EPHB1: variants seen among roughly 807,000 people sequenced by gnomAD.
EPHB1 encodes ephrin type-B receptor 1.
A neutral mutation model predicts 94.4 loss-of-function variants in EPHB1; 30 were observed. That is an observed-to-expected ratio of 0.32 (90% confidence interval 0.24 to 0.43). The LOEUF (loss-of-function observed/expected upper bound fraction) is 0.43. Ranked by LOEUF, EPHB1 falls within the 20% of genes least tolerant of loss-of-function variation. The probability of loss-of-function intolerance (pLI) is 1.00; values close to 1 mark genes in which losing one functional copy is unlikely to be tolerated. For synonymous variants in EPHB1, 522 were observed against 489.1 expected, an observed-to-expected ratio of 1.07 and a Z score of -0.89; for missense variants, 1,055 against 1,308.3, an observed-to-expected ratio of 0.81 and a Z score of 2.99.
intron 12 of EPHB1, among the ~76,000 whole-genome samples, chr3:135,213,686 G>A (rs1943080068): frequency 6.6e-6 from 1 of 152,206 alleles, no homozygotes; most frequent in Non-Finnish European, 1.5e-5. Flanking sequence ...TCTCTGGATA[G>A]CAGCTTTATG....
chr3:135,189,159 T>C (rs1466482047), intron 10 of EPHB1, among the ~76,000 whole-genome samples: 4 of 152,226 alleles, frequency 2.6e-5, no homozygotes, highest in South Asian at 2.1e-4. Context: ...ATTGATTTCT[T>C]CCTTCCTTCT....
At chr3:135,096,383 G>C (rs1054137338) in intron 3 of EPHB1, among the ~76,000 whole-genome samples, 9 of 152,172 alleles carry the variant, frequency 5.9e-5, no homozygotes, top group African/African-American at 2.2e-4. Flanking sequence ...CCTCAGACTA[G>C]AGCTATACCA....
chr3:134,978,841 A>C (rs528391409), intron 3 of EPHB1, among the ~76,000 whole-genome samples: 17 of 152,310 alleles, frequency 1.1e-4, no homozygotes, highest in African/African-American at 3.6e-4. Context: ...AACTCACCGC[A>C]GATGTGTGGA....
At chr3:135,143,831 A>G (rs926206351) in intron 5 of EPHB1, among the ~76,000 whole-genome samples, 1 of 152,196 alleles carries the variant, frequency 6.6e-6, no homozygotes, top group South Asian at 2.1e-4. Flanking sequence ...TATAGTTTTC[A>G]CATAAATGGC....
At chr3:135,205,910 C>A (rs1418906500) in intron 12 of EPHB1, among the ~76,000 whole-genome samples, 1 of 152,088 alleles carries the variant, frequency 6.6e-6, no homozygotes, top group African/African-American at 2.4e-5. Context: ...ACTCACAAGT[C>A]TCAAGTGTAC....
chr3:134,958,760 T>C (rs1241487088), intron 3 of EPHB1, among the ~76,000 whole-genome samples: 1 of 152,042 alleles, frequency 6.6e-6, no homozygotes, highest in Non-Finnish European at 1.5e-5. Context: ...TGGCTGTCTG[T>C]AATTGACTGT....
At chr3:134,866,335 GAGT>G (rs1287859284) in intron 1 of EPHB1, among the ~76,000 whole-genome samples, 1 of 152,238 alleles carries the variant, frequency 6.6e-6, no homozygotes, top group Middle Eastern at 3.2e-3. Context: ...GTCACTCGAG[GAGT>G]ACTGACTGCT....
At chr3:134,962,661 T>C (rs1238967251) in intron 3 of EPHB1, among the ~76,000 whole-genome samples, 2 of 152,170 alleles carry the variant, frequency 1.3e-5, no homozygotes, top group African/African-American at 2.4e-5. Context: ...CTCTCAGCTC[T>C]CACCCTTTGG....
In EPHB1 at chr3:135,114,045, T is replaced by A. The variant is rs193153312; in HGVS notation, c.961+7442T>A. ...ACTGAAACTGTGAGCTCCCACCACA[T>A]GTGGCAGCCACTAAACAGCCAGTGC... is the stretch of plus-strand genomic sequence containing the variant. On this transcript the variant is annotated intron_variant, in intron 4 of 15. Transcript: ENST00000398015. Among the ~76,000 whole-genome samples, 789 of 152,346 alleles carry A rather than the reference T, an allele frequency of 5.2e-3. 3 individuals carry two copies. The highest frequency in any genetic ancestry group is 8.4e-3 in the Non-Finnish European group (573 of 68,038).
At chr3:135,169,265 A>G (rs953116488) in intron 9 of EPHB1, among the ~76,000 whole-genome samples, 1 of 152,200 alleles carries the variant, frequency 6.6e-6, no homozygotes, top group Non-Finnish European at 1.5e-5. Context: ...GACAGCTGAA[A>G]GAACATTGTT....
chr3:135,149,535 C>T (rs922976429), intron 5 of EPHB1, among the ~76,000 whole-genome samples: 40 of 152,024 alleles, frequency 2.6e-4, no homozygotes, highest in African/African-American at 9.4e-4. Flanking sequence ...CTGTTTTGTC[C>T]GAAAGTTTCA....
At chr3:135,010,346 A>T (rs1160519052) in intron 3 of EPHB1, among the ~76,000 whole-genome samples, 1 of 152,068 alleles carries the variant, frequency 6.6e-6, no homozygotes, top group African/African-American at 2.4e-5. Context: ...TGAGATGTGT[A>T]GCTGTTACAT....
intron 1 of EPHB1, among the ~76,000 whole-genome samples, chr3:134,891,269 C>T (rs2037978436): frequency 6.6e-6 from 1 of 152,114 alleles, no homozygotes; most frequent in African/African-American, 2.4e-5. Context: ...GCCACCATGC[C>T]CAGCTAATTT....
intron 3 of EPHB1, among the ~76,000 whole-genome samples, chr3:135,070,552 G>C (rs1279760417): frequency 1.3e-5 from 2 of 152,142 alleles, no homozygotes; most frequent in African/African-American, 4.8e-5. Context: ...AAGTAAGAAA[G>C]GGACTTGCAA....
intron 3 of EPHB1, among the ~76,000 whole-genome samples, chr3:135,034,429 C>T (rs928004576): frequency 1.3e-5 from 2 of 152,232 alleles, no homozygotes; most frequent in Admixed American, 6.5e-5. Context: ...CTGTGCAGCA[C>T]CAGAGGCTTG....
chr3:135,177,481 T>G (rs1048665576), intron 9 of EPHB1, among the ~76,000 whole-genome samples: 21 of 152,118 alleles, frequency 1.4e-4, no homozygotes, highest in Non-Finnish European at 2.9e-5. Context: ...CCTGACCAAT[T>G]GTGTGGAAAT....
chr3:135,078,137 G>A (rs1325907683), intron 3 of EPHB1, among the ~76,000 whole-genome samples: 7 of 152,218 alleles, frequency 4.6e-5, no homozygotes, highest in Non-Finnish European at 1.0e-4. Flanking sequence ...TCCTGCTCAA[G>A]GGTAGATTTG....
intron 1 of EPHB1, among the ~76,000 whole-genome samples, chr3:134,845,304 G>T (rs1474732815): frequency 6.6e-6 from 1 of 152,184 alleles, no homozygotes. Context: ...TCCATAAGAT[G>T]TGGGATTGAT....
intron 2 of EPHB1, among the ~76,000 whole-genome samples, chr3:134,949,541 A>G (rs1932935090): frequency 6.6e-6 from 1 of 152,150 alleles, no homozygotes; most frequent in Admixed American, 6.5e-5. Context: ...TATATTTTCC[A>G]TGCACACATA....
Sources: gnomAD v4.1 joint callset for allele counts (sites outside exome capture counted in the v4.1 genomes callset) on GRCh38, gnomAD v4.1.1 for gene constraint, MANE v1.5 for transcripts, NCBI Gene and HGNC (gene_info 2026-07-23, HGNC 2026-07-21) for gene names.